The following KCNN2 variants were observed in gnomAD, a reference collection of about 807,000 sequenced individuals.
The protein encoded by KCNN2 is small conductance calcium-activated potassium channel protein 2.
KCNN2 carries 24 observed loss-of-function variants against 55.5 expected under a neutral mutation model. That is an observed-to-expected ratio of 0.43 (90% confidence interval 0.31 to 0.61). The LOEUF (loss-of-function observed/expected upper bound fraction) is 0.61. KCNN2 is among the 20% of genes least tolerant of loss of function. The pLI, the probability that KCNN2 is intolerant of heterozygous loss-of-function variation, is 0.08. For missense variants in KCNN2, 754 were observed against 853.6 expected (o/e 0.88, Z 1.45); for synonymous variants, 431 against 336.1 (o/e 1.28, Z -3.09).
chr5:114,214,733 A>G (rs879338146), intron 1 of KCNN2, among the ~76,000 whole-genome samples: 34 of 152,164 alleles, frequency 2.2e-4, no homozygotes, highest in Middle Eastern at 3.2e-3. Flanking sequence ...ACCATAATCA[A>G]TATTTATAAT....
At chr5:114,341,663 T>TA (rs1230093033) in intron 2 of KCNN2, among the ~76,000 whole-genome samples, 1 of 152,144 alleles carries the variant, frequency 6.6e-6, no homozygotes, top group Non-Finnish European at 1.5e-5. Context: ...TTTCTGATTA[T>TA]AAAATACTAT....
chr5:114,417,852 A>G (rs1328076438), intron 3 of KCNN2, among the ~76,000 whole-genome samples: 1 of 152,204 alleles, frequency 6.6e-6, no homozygotes, highest in African/African-American at 2.4e-5. Context: ...CAAGCTCCTC[A>G]ATGGTAAAAG....
At chr5:114,127,658 C>A (rs1751966325) in intron 1 of KCNN2, among the ~76,000 whole-genome samples, 1 of 152,174 alleles carries the variant, frequency 6.6e-6, no homozygotes, top group South Asian at 2.1e-4. Flanking sequence ...ACATTCAGCT[C>A]CTTGTTTTTT....
intron 2 of KCNN2, among the ~76,000 whole-genome samples, chr5:114,371,682 T>A (rs1757763039): frequency 6.6e-6 from 1 of 152,194 alleles, no homozygotes; most frequent in African/African-American, 2.4e-5. Flanking sequence ...ACAAACATTT[T>A]AACATTAGAT....
chr5:114,490,481 G>A (rs1376450391), intron 6 of KCNN2, among the ~76,000 whole-genome samples: 1 of 152,096 alleles, frequency 6.6e-6, no homozygotes, highest in Non-Finnish European at 1.5e-5. Context: ...TTACAGATGG[G>A]AAAGTATAGT....
At chr5:114,353,127 T>C (rs1757240229) in intron 2 of KCNN2, among the ~76,000 whole-genome samples, 2 of 151,894 alleles carry the variant, frequency 1.3e-5, no homozygotes, top group South Asian at 4.1e-4. Context: ...CATTTTGTCC[T>C]TATAAAATTG....
At chr5:114,243,822 T>C (rs1031361071) in intron 2 of KCNN2, among the ~76,000 whole-genome samples, 2 of 152,204 alleles carry the variant, frequency 1.3e-5, no homozygotes, top group Non-Finnish European at 2.9e-5. Flanking sequence ...GTACTTATGT[T>C]ACAGAACACC....
intron 2 of KCNN2, among the ~76,000 whole-genome samples, chr5:114,272,846 T>C (rs1458772117): frequency 6.6e-6 from 1 of 152,130 alleles, no homozygotes; most frequent in Non-Finnish European, 1.5e-5. Flanking sequence ...AAAACTTGTC[T>C]CATTCTTTCC....
intron 1 of KCNN2, among the ~76,000 whole-genome samples, chr5:114,107,421 A>C (rs1751510367): frequency 6.6e-6 from 1 of 151,962 alleles, no homozygotes; most frequent in South Asian, 2.1e-4. Flanking sequence ...GTCTGACTCC[A>C]TTGCCCAGGC....
intron 1 of KCNN2, among the ~76,000 whole-genome samples, chr5:114,208,114 A>T (rs1022328634): frequency 6.6e-6 from 1 of 152,226 alleles, no homozygotes; most frequent in African/African-American, 2.4e-5. Flanking sequence ...GAATGAATTC[A>T]CAATTATGTT....
At chr5:114,380,967 A>T (rs971459461) in intron 2 of KCNN2, among the ~76,000 whole-genome samples, 6 of 152,158 alleles carry the variant, frequency 3.9e-5, no homozygotes, top group African/African-American at 1.4e-4. Context: ...AAGTGGATAA[A>T]TCCAGGGTTC....
At chr5:114,151,223 T>C (rs1383507651) in intron 1 of KCNN2, among the ~76,000 whole-genome samples, 1 of 152,154 alleles carries the variant, frequency 6.6e-6, no homozygotes, top group Non-Finnish European at 1.5e-5. Context: ...TTTCTGGTAA[T>C]AGAAATCACA....
At chr5:114,393,353 T>C (rs906106538) in intron 2 of KCNN2, among the ~76,000 whole-genome samples, 4 of 152,192 alleles carry the variant, frequency 2.6e-5, no homozygotes, top group Admixed American at 2.6e-4. Context: ...GTAAGCAGAA[T>C]ATTTTAGATG....
intron 1 of KCNN2, among the ~76,000 whole-genome samples, chr5:114,079,823 A>ATGTG (rs144581575): frequency 0.12 from 17,782 of 147,108 alleles, 1,148 homozygotes; most frequent in Middle Eastern, 0.16. Context: ...GATACTTAAT[A>ATGTG]TGTGTGTGTG....
intron 2 of KCNN2, among the ~76,000 whole-genome samples, chr5:114,234,237 A>G (rs559815592): frequency 6.6e-5 from 10 of 152,082 alleles, no homozygotes; most frequent in Non-Finnish European, 1.3e-4. Flanking sequence ...ACCTTATTTG[A>G]CAATGTTTTT....
At chr5:114,071,177 A>G (rs1322783679) in intron 1 of KCNN2, among the ~76,000 whole-genome samples, 1 of 152,234 alleles carries the variant, frequency 6.6e-6, no homozygotes, top group Admixed American at 6.5e-5. Context: ...AATGGCTGTA[A>G]TTTCTGAAAG....
chr5:114,148,294 C>G (rs1752445846), intron 1 of KCNN2, among the ~76,000 whole-genome samples: 1 of 152,160 alleles, frequency 6.6e-6, no homozygotes, highest in Admixed American at 6.5e-5. Flanking sequence ...TTAATAACTG[C>G]ATTAACAGCT....
intron 1 of KCNN2, among the ~76,000 whole-genome samples, chr5:114,167,065 C>G (rs1014312561): frequency 1.3e-5 from 2 of 152,094 alleles, no homozygotes; most frequent in Non-Finnish European, 2.9e-5. Context: ...GATAGCAGCC[C>G]AAACTAAGAT....
chr5:114,300,539 A>C (rs528236326), intron 2 of KCNN2, among the ~76,000 whole-genome samples: 92 of 152,350 alleles, frequency 6.0e-4, no homozygotes, highest in Non-Finnish European at 1.0e-3. Flanking sequence ...ATGGAAGATC[A>C]GATATGATTC....
Sources: gnomAD v4.1 joint callset for allele counts (sites outside exome capture counted in the v4.1 genomes callset) on GRCh38, gnomAD v4.1.1 for gene constraint, MANE v1.5 for transcripts, NCBI Gene and HGNC (gene_info 2026-07-23, HGNC 2026-07-21) for gene names.